The following ABCA3 variants were observed in gnomAD, a reference collection of about 807,000 sequenced individuals.
ABCA3 encodes the protein phospholipid-transporting ATPase ABCA3.
In ABCA3, 88 loss-of-function variants were observed where a neutral mutation model predicts 172.8. The ratio of observed to expected loss-of-function variants is 0.51; its 90% CI spans 0.43 to 0.61. The LOEUF (loss-of-function observed/expected upper bound fraction) is 0.61. ABCA3 is among the 20% of genes least tolerant of loss of function. ABCA3 has a pLI of 0.00. For missense variants in ABCA3, 2,164 were observed against 2,301.0 expected (o/e 0.94, Z 1.22); for synonymous variants, 1,066 against 983.8 (o/e 1.08, Z -1.56).
chr16:2,319,847 G>A lies in ABCA3; in HGVS notation c.614-7C>T, dbSNP rs1356813975. The A allele has an allele frequency of 1.4e-5, 23 of 1,613,310 alleles. No homozygotes were observed. Among genetic ancestry groups the A allele is most frequent in the Non-Finnish European group, 1.9e-5 (22 of 1,180,020 alleles). On this transcript the variant is annotated splice_region_variant and splice_polypyrimidine_tract_variant and intron_variant, in intron 7 of 32. Transcript: ENST00000301732. ...AAGCCTTCCCGGATGTACCCTGGGT[G>A]CGGGAGCAGAGGATGGCCCAGCCAC... is the stretch of plus-strand genomic sequence containing the variant.
At chr16:2,304,365 C>A (rs572422429) in intron 11 of ABCA3, among the ~76,000 whole-genome samples, 47 of 152,252 alleles carry the variant, frequency 3.1e-4, no homozygotes, top group African/African-American at 8.2e-4. Context: ...CACAGACCAG[C>A]AACAGCTCAT....
chr16:2,336,237 T>G (rs1342337041), intron 1 of ABCA3, among the ~76,000 whole-genome samples: 1 of 152,104 alleles, frequency 6.6e-6, no homozygotes, highest in Non-Finnish European at 1.5e-5. Context: ...CCAAAACATC[T>G]TCAACACCAG....
chr16:2,298,274 T>G, intron 15 of ABCA3, 112 bp downstream of exon 15: 1 of 1,526,692 alleles, frequency 6.6e-7, no homozygotes, highest in Non-Finnish European at 9.0e-7. Flanking sequence ...CTCAGAACCC[T>G]GGCTCCTGCC....
chr16:2,326,482 GA>G lies in ABCA3; in HGVS notation c.-17del. The G allele has an allele frequency of 6.2e-7, 1 of 1,605,932 alleles. No individual in the cohort carries two copies. Among genetic ancestry groups the G allele is most frequent in the Non-Finnish European group, 8.5e-7 (1 of 1,175,880 alleles). On this transcript the variant is annotated 5_prime_UTR_variant, in exon 4 of 33. Coordinates refer to ENST00000301732, the MANE Select transcript of ABCA3 (RefSeq NM_001089.3). ...GCACAGCCATCGTCTTGCTGAAAGG[GA>G]CGCCCAGTGCTAGTTACAGACCAAA...
intron 18 of ABCA3, among the ~76,000 whole-genome samples, chr16:2,293,149 T>A (rs2093674673): frequency 6.6e-6 from 1 of 151,800 alleles, no homozygotes; most frequent in Non-Finnish European, 1.5e-5. Context: ...CCTCCCAGGT[T>A]CATGGCATTC....
In ABCA3 at chr16:2,299,575, G is replaced by A. The variant is rs535329165; in HGVS notation, c.1612-43C>T. ...GCTGCCCTGGGCTACCCACAGCCCC[G>A]AGGCCCACGGCCAAGGCCTCTCCTG... On this transcript the variant is annotated intron_variant, in intron 13 of 32. Transcript: ENST00000301732. The A allele has an allele frequency of 3.4e-5, 54 of 1,608,756 alleles. No individual in the cohort carries two copies. The South Asian group carries it at 4.1e-4, about 12-fold the overall frequency.
rs1344555589 is a variant in ABCA3 at position 2,278,070 on chromosome 16, C to G, written c.4719-1G>C. 6.2e-7 allele frequency: 1 copy of G among 1,613,392 alleles called. No homozygotes were observed. Among genetic ancestry groups the G allele is most frequent in the Admixed American group, 1.7e-5 (1 of 60,022 alleles). ...GCACAGGGCCTCACACTCCTCCATG[C>G]TGTGGAGAGGGCGGGACCTCAGATA... On this transcript the variant is annotated splice_acceptor_variant, in intron 30 of 32. Transcript: ENST00000301732. LOFTEE classifies it high-confidence loss of function. The surrounding 1 kb of genome is among the most constrained non-coding windows in gnomAD (Gnocchi z 4.4).
chr16:2,307,013 T>C (rs1394002500), intron 11 of ABCA3, among the ~76,000 whole-genome samples: 1 of 80,638 alleles, frequency 1.2e-5, no homozygotes, highest in African/African-American at 5.3e-5. Context: ...AGAGACTCCG[T>C]CTCAAAAAAA....
chr16:2,332,570 G>C (rs1435927207), intron 1 of ABCA3: 1 of 1,283,190 alleles, frequency 7.8e-7, no homozygotes, highest in Admixed American at 1.8e-5. Flanking sequence ...CCAGCAAATC[G>C]CTCCTTGCTG....
chr16:2,302,626 T>C (rs890746726), intron 12 of ABCA3, among the ~76,000 whole-genome samples: 10 of 151,718 alleles, frequency 6.6e-5, no homozygotes, highest in African/African-American at 2.4e-4. Flanking sequence ...ACCACAGGCA[T>C]GTGCCGCCTG....
At chr16:2,289,399 T>TCC in intron 20 of ABCA3, 35 bp downstream of exon 20, 2 of 1,544,358 alleles carry the variant, frequency 1.3e-6, no homozygotes, top group Non-Finnish European at 1.7e-6. Flanking sequence ...TGCTCGCCCT[T>TCC]CCCCCGCCAC....
At position 2,287,943 on chromosome 16, in the gene ABCA3, G is replaced by A. The variant is rs566827926; in HGVS notation, c.3004+83C>T. The stretch of plus-strand genomic sequence containing the variant: ...CCAAGAACCATCCTCCCCAGATGTC[G>A]ACCCTGCTGCAGTCAGGAAGGCGAA... On this transcript the variant is annotated intron_variant, in intron 21 of 32. Transcript: ENST00000301732. This position sits in a 1 kb window ranked among gnomAD's most constrained non-coding sequence, Gnocchi z 4.1. 14 of 1,540,912 alleles carry A rather than the reference G, an allele frequency of 9.1e-6. No individual in the cohort carries two copies. Among genetic ancestry groups the A allele is most frequent in the Admixed American group, 5.1e-5 (3 of 59,014 alleles).
chr16:2,284,151 G>A lies in ABCA3; in HGVS notation c.3862+128C>T, dbSNP rs2093659197. 1 of 1,239,318 alleles carries A rather than the reference G, an allele frequency of 8.1e-7. No homozygotes were observed. The highest frequency in any genetic ancestry group is 2.8e-4 in the Middle Eastern group (1 of 3,628). 76.8% of individuals were successfully genotyped at this position (1,239,318 alleles called of 1,614,324 possible). A position where few individuals can be genotyped will look rare whatever the true frequency, so the allele number is the denominator to read the frequency against. Reference sequence around the variant, plus strand: ...CTGCTGTGGGAGGTGGGGCAAGGCGGTACAGAGGAACGCACCAGCCCCAGG... The same window carrying A: ...CTGCTGTGGGAGGTGGGGCAAGGCGATACAGAGGAACGCACCAGCCCCAGG... On this transcript the variant is annotated intron_variant, in intron 25 of 32. Transcript: ENST00000301732. The surrounding 1 kb of genome is among the most constrained non-coding windows in gnomAD (Gnocchi z 5.9).
rs2093658299 is a variant in ABCA3 at position 2,283,519 on chromosome 16, G to A, written c.3863-161C>T. On this transcript the variant is annotated intron_variant, in intron 25 of 32. Transcript: ENST00000301732. This position sits in a 1 kb window ranked among gnomAD's most constrained non-coding sequence, Gnocchi z 5.4. ...CCAGTAGGTCACAGCTGCCTCTCGA[G>A]GCACCACAGCTCAGAGAGGGGCCAG... 1.3e-6 allele frequency: 1 copy of A among 772,928 alleles called. No homozygotes were observed. Among genetic ancestry groups the A allele is most frequent in the Non-Finnish European group, 2.0e-6 (1 of 491,550 alleles). The allele number at this position is 772,928 out of a possible 1,614,324, so 47.9% of individuals were successfully genotyped here.
chr16:2,326,459 A>G lies in ABCA3; in HGVS notation c.8T>C (p.Val3Ala), dbSNP rs1175119413. The change falls in exon 4 of 33, where the codon GTG (valine) becomes GCG (alanine). Residue 3 changes from valine (V) to alanine (A), a missense_variant. Transcript: ENST00000301732. The stretch of plus-strand genomic sequence containing the variant: ...GAGGAGGAGCGCCAGCTGCCTGAGC[A>G]CAGCCATCGTCTTGCTGAAAGGGAC... MA[V>A]LRQLALLLWK... 1 of 1,611,666 alleles carries G rather than the reference A, an allele frequency of 6.2e-7. No individual in the cohort carries two copies. Among genetic ancestry groups the G allele is most frequent in the Non-Finnish European group, 8.5e-7 (1 of 1,178,952 alleles).
chr16:2,298,868 G>C (rs1270544547), intron 14 of ABCA3, among the ~76,000 whole-genome samples: 1 of 152,214 alleles, frequency 6.6e-6, no homozygotes, highest in Admixed American at 6.5e-5. Context: ...GGGGAAGACA[G>C]AGTGAAATGC....
At chr16:2,336,990 G>A (rs1346353282) in intron 1 of ABCA3, among the ~76,000 whole-genome samples, 1 of 149,858 alleles carries the variant, frequency 6.7e-6, no homozygotes, top group Non-Finnish European at 1.5e-5. Context: ...ATAGCTCACT[G>A]CATTCTTGAA....
intron 18 of ABCA3, among the ~76,000 whole-genome samples, chr16:2,292,478 T>TAGTCCTGCTACTC (rs1453275794): frequency 6.6e-6 from 1 of 151,914 alleles, no homozygotes; most frequent in African/African-American, 2.4e-5. Context: ...CAGGTGCCTG[T>TAGTCCTGCTACTC]AGTCCCAGCT....
At position 2,308,547 on chromosome 16, in the gene ABCA3, G is replaced by A; in HGVS notation, c.1188C>T (p.Tyr396=). The A allele has an allele frequency of 6.2e-7, 1 of 1,614,238 alleles. No individual in the cohort carries two copies. The highest frequency in any genetic ancestry group is 1.1e-5 in the South Asian group (1 of 91,088). Residue 396 remains tyrosine (Y), a synonymous_variant, in exon 11 of 33, where the codon TAC becomes TAT. Coordinates refer to ENST00000301732, the MANE Select transcript of ABCA3 (RefSeq NM_001089.3). ...YIPYFFVAPR[Y]NWMTLSQKLC... The stretch of plus-strand genomic sequence containing the variant: ...GCTTCTGGCTCAGAGTCATCCAGTT[G>A]TACCGAGGGGCCACGAAGAAGTAGG...
Sources: gnomAD v4.1 joint callset for allele counts (sites outside exome capture counted in the v4.1 genomes callset) on GRCh38, gnomAD v4.1.1 for gene constraint, Gnocchi (gnomAD v3.1) non-coding constraint, MANE v1.5 for transcripts, NCBI Gene and HGNC (gene_info 2026-07-23, HGNC 2026-07-21) for gene names.